Variants in ANKRD31 observed in about 807,000 individuals in gnomAD.
ANKRD31 encodes ankyrin repeat domain 31.
A neutral mutation model predicts 186.0 loss-of-function variants in ANKRD31; 147 were observed. The ratio of observed to expected loss-of-function variants is 0.79; its 90% CI spans 0.69 to 0.91. ANKRD31 has a LOEUF of 0.91. Among genes scored for constraint, ANKRD31 ranks in the 40% least tolerant of loss-of-function variants. ANKRD31 has a pLI of 0.00. For missense variants in ANKRD31, 1,986 were observed against 2,148.8 expected (o/e 0.92, Z 1.50); for synonymous variants, 673 against 736.4 (o/e 0.91, Z 1.39).
intron 12 of ANKRD31, among the ~76,000 whole-genome samples, chr5:75,148,952 T>G (rs1336677615): frequency 6.6e-6 from 1 of 151,900 alleles, no homozygotes; most frequent in Admixed American, 6.6e-5. Context: ...ATAGATTATG[T>G]AACTGTGTGC....
At chr5:75,183,299 T>C (rs1246339901) in intron 10 of ANKRD31, among the ~76,000 whole-genome samples, 1 of 152,134 alleles carries the variant, frequency 6.6e-6, no homozygotes, top group Non-Finnish European at 1.5e-5. Flanking sequence ...TTTTTACCCA[T>C]AGCTACCTTC....
At position 75,068,655 on chromosome 5, in the gene ANKRD31, C is replaced by T; in HGVS notation, c.5657G>A (p.Arg1886Lys). 1.3e-6 allele frequency: 2 copies of T among 1,493,158 alleles called. No individual in the cohort carries two copies. The highest frequency in any genetic ancestry group is 1.8e-6 in the Non-Finnish European group (2 of 1,129,036). 92.5% of individuals were successfully genotyped at this position (1,493,158 alleles called of 1,614,324 possible). Residue 1886 changes from arginine to lysine, a missense_variant, in exon 26 of 26, where the codon AGA (arginine) becomes AAA (lysine). Coordinates refer to ENST00000506364, the MANE Select transcript of ANKRD31 (RefSeq NM_001372053.1). ...ACGTGGGCTGCTTTGCATTGACTCTCTGGAAGTTCCTGTTTAAAGAAGTAT... is the reference window on the plus strand; with the variant it reads ...ACGTGGGCTGCTTTGCATTGACTCTTTGGAAGTTCCTGTTTAAAGAAGTAT... ...EKTKFGQGTS[R>K]ESMQSSPRYL...
intron 11 of ANKRD31, among the ~76,000 whole-genome samples, chr5:75,162,181 C>T (rs984850737): frequency 6.6e-6 from 1 of 152,228 alleles, no homozygotes; most frequent in Admixed American, 6.5e-5. Flanking sequence ...CCCATGAAGG[C>T]AGCCAGGACA....
At chr5:75,224,522 T>C (rs1170991133) in intron 2 of ANKRD31, among the ~76,000 whole-genome samples, 7 of 152,042 alleles carry the variant, frequency 4.6e-5, no homozygotes, top group East Asian at 3.9e-4. Context: ...AAATTTAATA[T>C]ATGACAATGG....
intron 14 of ANKRD31, among the ~76,000 whole-genome samples, chr5:75,145,289 G>A (rs1311323639): frequency 2.0e-5 from 3 of 152,028 alleles, no homozygotes; most frequent in Non-Finnish European, 4.4e-5. Context: ...ACATGTACAT[G>A]TATGTTTATT....
intron 20 of ANKRD31, among the ~76,000 whole-genome samples, chr5:75,109,061 T>C (rs970669081): frequency 6.6e-6 from 1 of 152,152 alleles, no homozygotes; most frequent in African/African-American, 2.4e-5. Context: ...ATTGTCCTAA[T>C]ATGTGTAAGA....
intron 6 of ANKRD31, 109 bp from the exon 7 acceptor site, chr5:75,196,309 T>C (rs1755462200): frequency 5.8e-6 from 5 of 865,252 alleles, no homozygotes; most frequent in African/African-American, 3.5e-5. Flanking sequence ...ACCCTCAAAA[T>C]TTATCATCAA....
chr5:75,088,457 C>T (rs1392151428), intron 23 of ANKRD31, among the ~76,000 whole-genome samples: 1 of 152,192 alleles, frequency 6.6e-6, no homozygotes, highest in East Asian at 1.9e-4. Context: ...ACCATCATTT[C>T]CATTCTTATG....
At position 75,179,692 on chromosome 5, in the gene ANKRD31, T is replaced by C. The variant is rs181110314; in HGVS notation, c.1564+8801A>G. The stretch of plus-strand genomic sequence containing the variant: ...TGACAAAATTCAACAACCCTTCATG[T>C]TAAAAACTCTCAATAAATTAGGTAT... On this transcript the variant is annotated intron_variant, in intron 10 of 25. Transcript: ENST00000506364. Among the ~76,000 whole-genome samples, 254 of 152,188 alleles carry C rather than the reference T, an allele frequency of 1.7e-3. 1 individual carries two copies. The highest frequency in any genetic ancestry group is 5.8e-3 in the African/African-American group (241 of 41,542).
chr5:75,164,046 T>C lies in ANKRD31; in HGVS notation c.1707+4933A>G, dbSNP rs190800593. Among the ~76,000 whole-genome samples the C allele has an allele frequency of 5.4e-4, 83 of 152,336 alleles. No individual in the cohort carries two copies. The Middle Eastern group carries it at 0.014, about 25-fold the overall frequency. On this transcript the variant is annotated intron_variant, in intron 11 of 25. Transcript: ENST00000506364. ...CAGTATGTGACTTCTAAGGCTAGGTTAAAAAGTATTGTGGCTTCCTCCTTG... is the reference window on the plus strand; with the variant it reads ...CAGTATGTGACTTCTAAGGCTAGGTCAAAAAGTATTGTGGCTTCCTCCTTG...
intron 3 of ANKRD31, among the ~76,000 whole-genome samples, chr5:75,212,215 T>C (rs1561541104): frequency 6.6e-6 from 1 of 152,196 alleles, no homozygotes; most frequent in Admixed American, 6.5e-5. Flanking sequence ...TTTTTTCCTC[T>C]TCATTAATAT....
intron 3 of ANKRD31, among the ~76,000 whole-genome samples, chr5:75,213,717 G>A (rs1011047573): frequency 2.6e-5 from 4 of 152,034 alleles, no homozygotes; most frequent in African/African-American, 9.7e-5. Flanking sequence ...TTTTGTTTTG[G>A]AGCTAGGATG....
Position 75,104,378 on chromosome 5 carries a change from G to A in ANKRD31, c.5181C>T (p.Ile1727=). ...GTTGCCCAGATCCAGAGGAAGAGGA[G>A]ATCTGACTGTCATCTGCACATGGAA... The part of the protein sequence containing the change: ...SVVPCADDSQ[I]SSSSGSGQQD... The change falls in exon 22 of 26, where the codon ATC becomes ATT. Residue 1727 remains isoleucine (I), a synonymous_variant. Transcript: ENST00000506364. 1.3e-6 allele frequency: 2 copies of A among 1,537,158 alleles called. No homozygotes were observed. Among genetic ancestry groups the A allele is most frequent in the South Asian group, 2.4e-5 (2 of 84,052 alleles).
At chr5:75,093,484 A>G (rs1259590004) in intron 22 of ANKRD31, among the ~76,000 whole-genome samples, 1 of 151,934 alleles carries the variant, frequency 6.6e-6, no homozygotes, top group Non-Finnish European at 1.5e-5. Flanking sequence ...CTGTGTCACA[A>G]CAACAACAAC....
At chr5:75,201,649 G>C (rs1755828836) in intron 5 of ANKRD31, among the ~76,000 whole-genome samples, 1 of 151,926 alleles carries the variant, frequency 6.6e-6, no homozygotes, top group Admixed American at 6.6e-5. Flanking sequence ...AAATTCTAAG[G>C]CTCCCAATCA....
intron 6 of ANKRD31, 35 bp from the exon 7 acceptor site, chr5:75,196,235 C>CAT: frequency 1.5e-6 from 2 of 1,358,368 alleles, no homozygotes; most frequent in Non-Finnish European, 1.9e-6. Flanking sequence ...ATCATTACAG[C>CAT]ATATACAATA....
chr5:75,082,010 A>C (rs1332357224), intron 24 of ANKRD31, among the ~76,000 whole-genome samples: 1 of 152,134 alleles, frequency 6.6e-6, no homozygotes, highest in African/African-American at 2.4e-5. Flanking sequence ...AAGGCCATGA[A>C]CTACTACAAG....
chr5:75,122,654 T>C (rs115104457), intron 17 of ANKRD31, among the ~76,000 whole-genome samples: 3,971 of 152,174 alleles, frequency 0.026, 157 homozygotes, highest in African/African-American at 0.09. Context: ...TGTGATTTAT[T>C]ACATAAACAC....
chr5:75,170,088 A>T (rs1753209303), intron 10 of ANKRD31, among the ~76,000 whole-genome samples: 1 of 152,144 alleles, frequency 6.6e-6, no homozygotes, highest in Non-Finnish European at 1.5e-5. Flanking sequence ...TTTTTTCCCT[A>T]TAAATTTCCT....
Sources: allele counts gnomAD v4.1 joint callset (sites outside exome capture counted in the v4.1 genomes callset), GRCh38; gene constraint gnomAD v4.1.1; transcripts MANE v1.5; gene names NCBI Gene and HGNC (gene_info 2026-07-23, HGNC 2026-07-21).